SLIT2: variants seen among roughly 807,000 people sequenced by gnomAD.
SLIT2 encodes slit homolog 2 protein.
In SLIT2, 41 loss-of-function variants were observed where a neutral mutation model predicts 185.7. The observed-to-expected ratio is 0.22, with a 90% CI of 0.17 to 0.29. The LOEUF is 0.29. SLIT2 is among the 10% of genes least tolerant of loss of function. The pLI is 1.00. For synonymous variants in SLIT2, 693 were observed against 680.2 expected (o/e 1.02, Z -0.29); for missense variants, 1,571 against 1,909.0 (o/e 0.82, Z 3.30).
At chr4:20,584,770 C>T (rs1029487590) in intron 29 of SLIT2, among the ~76,000 whole-genome samples, 10 of 152,096 alleles carry the variant, frequency 6.6e-5, no homozygotes, top group Non-Finnish European at 1.3e-4. Flanking sequence ...AAGAGGTGAT[C>T]TAAGAAACAG....
chr4:20,602,706 A>G (rs867568256), intron 33 of SLIT2, among the ~76,000 whole-genome samples: 2 of 152,216 alleles, frequency 1.3e-5, no homozygotes, highest in South Asian at 2.1e-4. Context: ...CGTAAAAGGA[A>G]TATGTACTTT....
chr4:20,297,097 G>C (rs186717543), intron 4 of SLIT2, among the ~76,000 whole-genome samples: 56 of 152,124 alleles, frequency 3.7e-4, no homozygotes, highest in Non-Finnish European at 1.9e-4. Flanking sequence ...CTTACAAATA[G>C]TTTCCTTAAT....
chr4:20,338,907 CAG>C (rs1270465724), intron 4 of SLIT2, among the ~76,000 whole-genome samples: 2 of 151,642 alleles, frequency 1.3e-5, no homozygotes, highest in Non-Finnish European at 1.5e-5. Context: ...GCCTGGGAAA[CAG>C]AGAGAGATCC....
At chr4:20,530,974 AAC>A (rs1335686656) in intron 16 of SLIT2, among the ~76,000 whole-genome samples, 3 of 151,746 alleles carry the variant, frequency 2.0e-5, no homozygotes, top group Non-Finnish European at 2.9e-5. Flanking sequence ...AAAAAAAAAA[AAC>A]AAAAACAAAA....
intron 4 of SLIT2, among the ~76,000 whole-genome samples, chr4:20,375,901 T>G (rs563945262): frequency 1.3e-5 from 2 of 152,156 alleles, no homozygotes; most frequent in South Asian, 2.1e-4. Flanking sequence ...TCCCTTTATA[T>G]TCTTAGAACT....
intron 4 of SLIT2, among the ~76,000 whole-genome samples, chr4:20,442,167 G>A (rs919913698): frequency 1.3e-5 from 2 of 152,020 alleles, no homozygotes; most frequent in African/African-American, 4.8e-5. Context: ...TGGGCAGGAA[G>A]GCAAGGGAGT....
intron 4 of SLIT2, among the ~76,000 whole-genome samples, chr4:20,375,639 G>A (rs1332531018): frequency 6.6e-6 from 1 of 151,972 alleles, no homozygotes; most frequent in South Asian, 2.1e-4. Context: ...TAAGTTGAAA[G>A]TGTTAACTTC....
intron 26 of SLIT2, among the ~76,000 whole-genome samples, chr4:20,556,580 T>C (rs966714396): frequency 6.6e-5 from 10 of 152,174 alleles, no homozygotes; most frequent in Non-Finnish European, 1.5e-4. Flanking sequence ...CCCCTGTCTC[T>C]CTCTCTCTCT....
chr4:20,519,629 A>G (rs148260115), intron 12 of SLIT2, among the ~76,000 whole-genome samples, 176 bp downstream of exon 12: 1 of 152,326 alleles, frequency 6.6e-6, no homozygotes, highest in Non-Finnish European at 1.5e-5. Flanking sequence ...TGAAGACACA[A>G]CTTTTTGGAA....
At chr4:20,392,267 A>G (rs1048827586) in intron 4 of SLIT2, 1 of 152,112 alleles carries the variant, frequency 6.6e-6, no homozygotes, top group African/African-American at 2.4e-5. Flanking sequence ...CACAATGGTA[A>G]GTATTTATGT....
chr4:20,354,854 T>A (rs1722176153), intron 4 of SLIT2, among the ~76,000 whole-genome samples: 1 of 148,160 alleles, frequency 6.7e-6, no homozygotes, highest in South Asian at 2.1e-4. Context: ...AGAAAAAACT[T>A]TTGAAAAAAA....
intron 4 of SLIT2, among the ~76,000 whole-genome samples, chr4:20,314,160 A>G (rs1487797529): frequency 1.3e-5 from 2 of 152,170 alleles, no homozygotes; most frequent in Admixed American, 1.3e-4. Flanking sequence ...GTCAGAAACA[A>G]CTGACATATT....
intron 30 of SLIT2, among the ~76,000 whole-genome samples, chr4:20,593,900 C>T (rs1727712089): frequency 6.6e-6 from 1 of 151,608 alleles, no homozygotes. Flanking sequence ...ATAGTTTTCT[C>T]ATATATACAC....
chr4:20,552,862 G>C (rs1175141915), intron 25 of SLIT2: 1 of 152,076 alleles, frequency 6.6e-6, no homozygotes, highest in Non-Finnish European at 1.5e-5. Context: ...ACCTTTATAA[G>C]GTTATGAGTC....
At chr4:20,459,587 T>C (rs1178524844) in intron 4 of SLIT2, among the ~76,000 whole-genome samples, 1 of 152,150 alleles carries the variant, frequency 6.6e-6, no homozygotes, top group African/African-American at 2.4e-5. Context: ...GTTCCCACCA[T>C]GATACAAAGA....
chr4:20,341,703 G>T (rs1303038243), intron 4 of SLIT2, among the ~76,000 whole-genome samples: 2 of 152,246 alleles, frequency 1.3e-5, no homozygotes, highest in East Asian at 1.9e-4. Flanking sequence ...CAACAAAACA[G>T]CCATTTAACG....
At chr4:20,397,191 C>T (rs1203037643) in intron 4 of SLIT2, among the ~76,000 whole-genome samples, 1 of 151,516 alleles carries the variant, frequency 6.6e-6, no homozygotes, top group African/African-American at 2.4e-5. Context: ...GGTAAGACAC[C>T]CTGTGTATTA....
intron 4 of SLIT2, among the ~76,000 whole-genome samples, chr4:20,454,829 G>A (rs946046071): frequency 7.9e-5 from 12 of 152,020 alleles, no homozygotes; most frequent in Admixed American, 3.3e-4. Flanking sequence ...ACCATACGTC[G>A]TGGGCAATAA....
intron 16 of SLIT2, among the ~76,000 whole-genome samples, chr4:20,529,846 TTATA>T (rs1379290625): frequency 6.6e-6 from 1 of 152,154 alleles, no homozygotes; most frequent in Non-Finnish European, 1.5e-5. Flanking sequence ...TTAGCCATGT[TTATA>T]TATAGCACCA....
Sources: gnomAD v4.1 joint callset for allele counts (sites outside exome capture counted in the v4.1 genomes callset) on GRCh38, gnomAD v4.1.1 for gene constraint, MANE v1.5 for transcripts, NCBI Gene and HGNC (gene_info 2026-07-23, HGNC 2026-07-21) for gene names.